The following INPP5A variants were observed in gnomAD, a reference collection of about 807,000 sequenced individuals.
INPP5A encodes the protein 43 kDa inositol polyphosphate 5-phophatase.
Under a neutral mutation model 65.2 loss-of-function variants are expected in INPP5A, and 14 were observed. That is an observed-to-expected ratio of 0.21 (90% CI 0.14 to 0.34). The LOEUF is 0.34. Ranked by LOEUF, INPP5A falls within the 10% of genes least tolerant of loss-of-function variation. The probability of loss-of-function intolerance (pLI) is 1.00; values close to 1 mark genes in which losing one functional copy is unlikely to be tolerated. For synonymous variants in INPP5A, 207 were observed against 208.3 expected, an observed-to-expected ratio of 0.99 and a Z score of 0.05; for missense variants, 431 against 545.6, an observed-to-expected ratio of 0.79 and a Z score of 2.09.
intron 12 of INPP5A, among the ~76,000 whole-genome samples, chr10:132,768,472 G>A (rs1394018669): frequency 1.3e-5 from 2 of 152,262 alleles, no homozygotes; most frequent in Non-Finnish European, 2.9e-5. Flanking sequence ...GCATTTGGCT[G>A]GGTGAGATCA....
At chr10:132,643,555 T>A (rs2072454462) in intron 2 of INPP5A, among the ~76,000 whole-genome samples, 1 of 152,122 alleles carries the variant, frequency 6.6e-6, no homozygotes, top group Non-Finnish European at 1.5e-5. Flanking sequence ...GTAATAAATA[T>A]GTTGTCTTAG....
chr10:132,635,043 C>T (rs1228011893), intron 2 of INPP5A, among the ~76,000 whole-genome samples: 2 of 152,260 alleles, frequency 1.3e-5, no homozygotes, highest in Non-Finnish European at 2.9e-5. Flanking sequence ...GAGTTCCAGT[C>T]TGTGGCATTC....
Position 132,705,511 on chromosome 10 carries a change from A to G in INPP5A, c.475-2802A>G, listed in dbSNP as rs1845524359. Among the ~76,000 whole-genome samples, 3 of 152,256 alleles carry G rather than the reference A, an allele frequency of 2.0e-5. No individual in the cohort carries two copies. The highest frequency in any genetic ancestry group is 4.1e-4 in the South Asian group (2 of 4,838). ...GAGCCAGCTCGTGGTGTGAGGACGG[A>G]TCCTCCTCGACGAGTAGAGCCATAG... On this transcript the variant is annotated intron_variant, in intron 6 of 15. Transcript: ENST00000368594. This position sits in a 1 kb window ranked among gnomAD's most constrained non-coding sequence, Gnocchi z 4.9.
chr10:132,624,628 C>T (rs1037496945), intron 2 of INPP5A, among the ~76,000 whole-genome samples: 1 of 152,228 alleles, frequency 6.6e-6, no homozygotes, highest in Non-Finnish European at 1.5e-5. Context: ...TGTTTGGTGC[C>T]TGGCATGTAG....
In INPP5A at chr10:132,587,458, A is replaced by T. The variant is rs2133308213; in HGVS notation, c.76-20457A>T. Among the ~76,000 whole-genome samples the T allele has an allele frequency of 6.6e-6, 1 of 152,318 alleles. No individual in the cohort carries two copies. Among genetic ancestry groups the T allele is most frequent in the Admixed American group, 6.5e-5 (1 of 15,310 alleles). ...CCTGTGTGATTCGAGGTCAGAAATC[A>T]TGACGGGGAAAGGATGCGGCCATAC... On this transcript the variant is annotated intron_variant, in intron 1 of 15. Transcript: ENST00000368594. This position sits in a 1 kb window ranked among gnomAD's most constrained non-coding sequence, Gnocchi z 4.3.
At chr10:132,564,363 G>A (rs998672062) in intron 1 of INPP5A, among the ~76,000 whole-genome samples, 5 of 152,118 alleles carry the variant, frequency 3.3e-5, no homozygotes, top group Admixed American at 2.6e-4. Flanking sequence ...CTTGAAGAGG[G>A]TTGTGAGCAC....
intron 9 of INPP5A, among the ~76,000 whole-genome samples, chr10:132,742,975 C>T (rs953446271): frequency 2.6e-5 from 4 of 152,250 alleles, no homozygotes; most frequent in African/African-American, 9.6e-5. Flanking sequence ...GCGCCTGCCC[C>T]GCGCCCCCTT....
intron 1 of INPP5A, among the ~76,000 whole-genome samples, chr10:132,574,953 G>T (rs923438993): frequency 6.6e-6 from 1 of 152,144 alleles, no homozygotes; most frequent in Admixed American, 6.5e-5. Flanking sequence ...CGGACTTCTG[G>T]TGGTAAGGAG....
chr10:132,631,228 C>T (rs761000186), intron 2 of INPP5A, among the ~76,000 whole-genome samples: 13 of 152,208 alleles, frequency 8.5e-5, no homozygotes, highest in African/African-American at 1.2e-4. Flanking sequence ...ACAGCTGCTC[C>T]GTGTGCCCTG....
intron 1 of INPP5A, among the ~76,000 whole-genome samples, chr10:132,567,444 C>T (rs148343075): frequency 6.6e-6 from 1 of 152,308 alleles, no homozygotes; most frequent in East Asian, 1.9e-4. Flanking sequence ...CTGGGCGCAG[C>T]CCCTTGGGCA....
intron 9 of INPP5A, among the ~76,000 whole-genome samples, chr10:132,732,733 C>T (rs573747766): frequency 5.9e-5 from 9 of 152,188 alleles, no homozygotes; most frequent in South Asian, 4.1e-4. Flanking sequence ...GGGTCACCTG[C>T]GGCCCCTCAG....
intron 9 of INPP5A, among the ~76,000 whole-genome samples, chr10:132,748,386 A>G (rs1446808516): frequency 6.6e-6 from 1 of 152,114 alleles, no homozygotes; most frequent in Admixed American, 6.5e-5. Context: ...CAGAGCTTTG[A>G]TTTCTCTCAG....
chr10:132,773,923 GCTAA>G (rs1321206012), intron 12 of INPP5A, among the ~76,000 whole-genome samples: 1 of 152,174 alleles, frequency 6.6e-6, no homozygotes, highest in African/African-American at 2.4e-5. Context: ...ACCACACCTG[GCTAA>G]CTTTTTTATT....
chr10:132,700,358 G>A lies in INPP5A; in HGVS notation c.474+2439G>A, dbSNP rs560260619. 1.1e-3 allele frequency among the ~76,000 whole-genome samples: 169 copies of A among 152,248 alleles called. 1 individual carries two copies. The highest frequency in any genetic ancestry group is 3.9e-3 in the African/African-American group (163 of 41,564). ...GGGGCCAGCCCCTGCCCTGGGCCGA[G>A]GCCTCCCTGTGGGTCAGGGCCAGCC... On this transcript the variant is annotated intron_variant, in intron 6 of 15. Transcript: ENST00000368594.
At chr10:132,760,590 A>G (rs760725783) in intron 11 of INPP5A, among the ~76,000 whole-genome samples, 9 of 152,258 alleles carry the variant, frequency 5.9e-5, no homozygotes, top group African/African-American at 9.6e-5. Context: ...AGGGCCCCAC[A>G]CAGCAGAGCT....
chr10:132,576,668 C>T (rs952714973), intron 1 of INPP5A, among the ~76,000 whole-genome samples: 9 of 152,222 alleles, frequency 5.9e-5, no homozygotes, highest in African/African-American at 1.7e-4. Flanking sequence ...TACAAACTTG[C>T]ATATGTTACT....
At chr10:132,771,035 G>A (rs957168664) in intron 12 of INPP5A, among the ~76,000 whole-genome samples, 2 of 152,240 alleles carry the variant, frequency 1.3e-5, no homozygotes, top group Non-Finnish European at 2.9e-5. Context: ...GAAGAGGCAG[G>A]CTCGTCCGCC....
chr10:132,752,361 C>G (rs1846501540), intron 11 of INPP5A, among the ~76,000 whole-genome samples: 1 of 149,708 alleles, frequency 6.7e-6, no homozygotes, highest in Non-Finnish European at 1.5e-5. Context: ...CCCTCAGCCA[C>G]AGGTAGGGTG....
chr10:132,669,126 G>A (rs750881510), intron 4 of INPP5A, among the ~76,000 whole-genome samples: 146 of 152,148 alleles, frequency 9.6e-4, no homozygotes, highest in Non-Finnish European at 1.5e-3. Flanking sequence ...GGTGGTGGGC[G>A]CCTGTAGTCC....
Sources: allele counts gnomAD v4.1 joint callset (sites outside exome capture counted in the v4.1 genomes callset), GRCh38; gene constraint gnomAD v4.1.1; non-coding constraint Gnocchi (gnomAD v3.1); transcripts MANE v1.5; gene names NCBI Gene and HGNC (gene_info 2026-07-23, HGNC 2026-07-21).